KCNQ2: variants seen among roughly 807,000 people sequenced by gnomAD.
KCNQ2 encodes potassium voltage-gated channel subfamily KQT member 2.
In KCNQ2, 14 loss-of-function variants were observed where a neutral mutation model predicts 84.8. The ratio of observed to expected loss-of-function variants is 0.17; its 90% CI spans 0.11 to 0.26. The LOEUF is 0.26. Among genes scored for constraint, KCNQ2 ranks in the 10% least tolerant of loss-of-function variants. The pLI is 1.00. For missense variants in KCNQ2, 788 were observed against 1,254.0 expected (o/e 0.63, Z 5.61); for synonymous variants, 599 against 554.1 (o/e 1.08, Z -1.14).
At chr20:63,427,026 G>A (rs2080654707) in intron 10 of KCNQ2, among the ~76,000 whole-genome samples, 1 of 152,204 alleles carries the variant, frequency 6.6e-6, no homozygotes. Flanking sequence ...CTTCAGACCA[G>A]CCTGGCCAAC....
chr20:63,443,155 G>C (rs1360440145), intron 4 of KCNQ2, among the ~76,000 whole-genome samples: 1 of 13,668 alleles, frequency 7.3e-5, no homozygotes, highest in Non-Finnish European at 1.5e-4. Context: ...CACCATCACC[G>C]GCGCCACCAC....
chr20:63,441,598 G>A (rs954046260), intron 5 of KCNQ2, among the ~76,000 whole-genome samples: 1 of 152,182 alleles, frequency 6.6e-6, no homozygotes, highest in African/African-American at 2.4e-5. Context: ...AGCAGTCACA[G>A]CTCAGGACGC....
chr20:63,455,675 C>T (rs191389124), intron 1 of KCNQ2, among the ~76,000 whole-genome samples: 2 of 151,998 alleles, frequency 1.3e-5, no homozygotes, highest in Non-Finnish European at 2.9e-5. Context: ...GTCCTGGGGC[C>T]CCCACCGCCC....
In KCNQ2 at chr20:63,465,960, G is replaced by A. The variant is rs143882495; in HGVS notation, c.296+6208C>T. Among the ~76,000 whole-genome samples the A allele has an allele frequency of 4.6e-3, 706 of 152,280 alleles. 3 individuals are homozygous for A. The highest frequency in any genetic ancestry group is 6.7e-3 in the Non-Finnish European group (455 of 68,004). On this transcript the variant is annotated intron_variant, in intron 1 of 16. Transcript: ENST00000359125. ...CTCTGCTGCCGTCCCGAGGCGGCCC[G>A]GCGGGTTCTCTGGCGCGGTCTGCGT...
chr20:63,456,308 T>C (rs181883094), intron 1 of KCNQ2, among the ~76,000 whole-genome samples: 2 of 152,270 alleles, frequency 1.3e-5, no homozygotes, highest in East Asian at 1.9e-4. Flanking sequence ...ACTCGCTTCA[T>C]GCACTTGGGG....
chr20:63,460,765 C>T lies in KCNQ2; in HGVS notation c.296+11403G>A, dbSNP rs2081927136. 6.6e-6 allele frequency among the ~76,000 whole-genome samples: 1 copy of T among 152,244 alleles called. No individual in the cohort carries two copies. The highest frequency in any genetic ancestry group is 1.5e-5 in the Non-Finnish European group (1 of 68,046). ...CTGCAGGACAGCCCTGGATGGGACACATGTGGATTCCCCAAGCCTCATGTG... is the reference window on the plus strand; with the variant it reads ...CTGCAGGACAGCCCTGGATGGGACATATGTGGATTCCCCAAGCCTCATGTG... On this transcript the variant is annotated intron_variant, in intron 1 of 16. Coordinates refer to ENST00000359125, the MANE Select transcript of KCNQ2 (RefSeq NM_172107.4). This position sits in a 1 kb window ranked among gnomAD's most constrained non-coding sequence, Gnocchi z 5.4.
intron 1 of KCNQ2, among the ~76,000 whole-genome samples, chr20:63,464,035 G>A (rs1394299694): frequency 6.6e-6 from 1 of 152,062 alleles, no homozygotes; most frequent in Admixed American, 6.6e-5. Flanking sequence ...CATCCACAAA[G>A]CCATTCCCAG....
At chr20:63,443,017 C>T (rs2145752112) in intron 4 of KCNQ2, among the ~76,000 whole-genome samples, 1 of 94,888 alleles carries the variant, frequency 1.1e-5, no homozygotes, top group African/African-American at 4.3e-5. Flanking sequence ...TCACCATCAC[C>T]ACCACCATCA....
At chr20:63,418,291 G>A (rs1012462337) in intron 12 of KCNQ2, among the ~76,000 whole-genome samples, 1 of 152,218 alleles carries the variant, frequency 6.6e-6, no homozygotes, top group Non-Finnish European at 1.5e-5. Flanking sequence ...CTACGCTTGG[G>A]GCTTACGGGG....
intron 8 of KCNQ2, among the ~76,000 whole-genome samples, chr20:63,432,601 G>T (rs2080849943): frequency 8.0e-6 from 1 of 125,198 alleles, no homozygotes; most frequent in Non-Finnish European, 1.6e-5. Flanking sequence ...CACAGGGAAG[G>T]CTCCACCCAC....
At chr20:63,426,205 A>G (rs1406894459) in intron 10 of KCNQ2, among the ~76,000 whole-genome samples, 6 of 152,138 alleles carry the variant, frequency 3.9e-5, no homozygotes, top group African/African-American at 7.2e-5. Flanking sequence ...AAACTCCCCA[A>G]AACCTCTAGG....
chr20:63,406,914 G>C lies in KCNQ2; in HGVS notation c.2349C>G (p.Asp783Glu). 1 of 1,608,784 alleles carries C rather than the reference G, an allele frequency of 6.2e-7. No individual in the cohort carries two copies. The highest frequency in any genetic ancestry group is 1.7e-4 in the Middle Eastern group (1 of 6,058). ...GCRPPEGNLR[D>E]SDTSISIPSV... ...ACGGGATGGAGATGGACGTGTCGCTGTCCCGCAGGTTCCCCTCGGGGGGCC... is the reference window on the plus strand; with the variant it reads ...ACGGGATGGAGATGGACGTGTCGCTCTCCCGCAGGTTCCCCTCGGGGGGCC... The change falls in exon 17 of 17, where the codon GAC becomes GAG. Residue 783 changes from aspartate to glutamate, a missense_variant. Physicochemically the swap from Asp to Glu is conservative, Grantham distance 45 (BLOSUM62 2). Around this residue, in one of 8 missense-constraint regions of KCNQ2, gnomAD observed 378 missense variants for 434.5 expected, o/e 0.87. Transcript: ENST00000359125.
At position 63,445,226 on chromosome 20, in the gene KCNQ2, A is replaced by G; in HGVS notation, c.514+12T>C. The G allele has an allele frequency of 6.2e-7, 1 of 1,613,702 alleles. No homozygotes were observed. The highest frequency in any genetic ancestry group is 8.5e-7 in the Non-Finnish European group (1 of 1,179,980). Reference sequence around the variant, plus strand: ...CCCTGATTCTAGCAATACCACCCCCACCAGGCCTCACCAATCACACAGAAC... The same window carrying G: ...CCCTGATTCTAGCAATACCACCCCCGCCAGGCCTCACCAATCACACAGAAC... On this transcript the variant is annotated intron_variant, in intron 3 of 16. Transcript: ENST00000359125.
chr20:63,470,177 C>T (rs2082180134), intron 1 of KCNQ2, among the ~76,000 whole-genome samples: 3 of 151,876 alleles, frequency 2.0e-5, no homozygotes, highest in Admixed American at 6.5e-5. Context: ...CCCAAAGGGG[C>T]CGCCTCCCTG....
intron 1 of KCNQ2, among the ~76,000 whole-genome samples, chr20:63,457,786 AAG>A (rs1436452156): frequency 1.3e-5 from 2 of 152,186 alleles, no homozygotes; most frequent in Non-Finnish European, 2.9e-5. Flanking sequence ...CCGGCCCAGA[AAG>A]AGGGGGCATC....
At chr20:63,433,580 C>T (rs984046872) in intron 8 of KCNQ2, 1 of 800,732 alleles carries the variant, frequency 1.2e-6, no homozygotes, top group Admixed American at 2.6e-5. Context: ...ACGGCCAGGA[C>T]GATAAAGCAA....
At position 63,407,015 on chromosome 20, in the gene KCNQ2, G is replaced by T. The variant is rs759060719; in HGVS notation, c.2248C>A (p.Arg750=). ...CCCCCGCCGTAGGCGGACAGCGACC[G>T]CTCGTGGGCAGGCGGCGGCGGGATG... ...VRIPPPPAHE[R]SLSAYGGGNR... is the part of the protein sequence containing the mutation. The change falls in exon 17 of 17, where the codon CGG becomes AGG. Residue 750 remains arginine (R), a synonymous_variant. Coordinates refer to ENST00000359125, the MANE Select transcript of KCNQ2 (RefSeq NM_172107.4). This position sits in a 1 kb window ranked among gnomAD's most constrained non-coding sequence, Gnocchi z 7.2. The T allele has an allele frequency of 3.9e-6, 6 of 1,527,556 alleles. No homozygotes were observed. Among genetic ancestry groups the T allele is most frequent in the Admixed American group, 2.0e-5 (1 of 50,130 alleles). 94.6% of individuals were successfully genotyped at this position (1,527,556 alleles called of 1,614,324 possible).
At chr20:63,442,339 C>T in intron 5 of KCNQ2, 67 bp downstream of exon 5, 2 of 1,612,552 alleles carry the variant, frequency 1.2e-6, no homozygotes, top group Non-Finnish European at 1.7e-6. Context: ...CAGTGAGAGC[C>T]TGGTCCCAGC....
chr20:63,432,246 A>T (rs1330900918), intron 8 of KCNQ2, among the ~76,000 whole-genome samples: 1 of 149,186 alleles, frequency 6.7e-6, no homozygotes, highest in Non-Finnish European at 1.5e-5. Context: ...GGAAGGATCC[A>T]CCCACAGGGA....
Sources: allele counts gnomAD v4.1 joint callset (sites outside exome capture counted in the v4.1 genomes callset), GRCh38; gene constraint gnomAD v4.1.1; regional missense constraint gnomAD v4.1.1; non-coding constraint Gnocchi (gnomAD v3.1); transcripts MANE v1.5; gene names NCBI Gene and HGNC (gene_info 2026-07-23, HGNC 2026-07-21).